The following CEP112 variants were observed in gnomAD, a reference collection of about 807,000 sequenced individuals.
The protein encoded by CEP112 is centrosomal protein 112.
Under a neutral mutation model 153.0 loss-of-function variants are expected in CEP112, and 127 were observed. That is an observed-to-expected ratio of 0.83 (90% CI 0.72 to 0.96). CEP112 has a LOEUF of 0.96. Ranked by LOEUF, CEP112 falls within the 40% of genes least tolerant of loss-of-function variation. The pLI is 0.00. For synonymous variants in CEP112, 358 were observed against 374.4 expected (o/e 0.96, Z 0.51); for missense variants, 1,089 against 1,101.2 (o/e 0.99, Z 0.16).
In CEP112 at chr17:66,183,255, T is replaced by C; in HGVS notation, c.45A>G (p.Ala15=). 6 of 1,612,978 alleles carry C rather than the reference T, an allele frequency of 3.7e-6. No individual in the cohort carries two copies. The highest frequency in any genetic ancestry group is 5.1e-6 in the Non-Finnish European group (6 of 1,179,498). Residue 15 remains alanine (A), a synonymous_variant, in exon 2 of 27, where the codon GCA becomes GCG. Transcript: ENST00000535342. ...TATCAACCACAAAGTGATCAAATTC[T>C]GCATCCAGCTTCTCCCATTTTTCTT... The part of the protein sequence containing the change: ...SEEEKWEKLD[A]EFDHFVVDMK...
intron 4 of CEP112, among the ~76,000 whole-genome samples, chr17:66,173,260 G>A (rs1296173342): frequency 6.6e-6 from 1 of 152,168 alleles, no homozygotes; most frequent in African/African-American, 2.4e-5. Flanking sequence ...CATATGCTAA[G>A]GGGGGTAACC....
intron 4 of CEP112, among the ~76,000 whole-genome samples, chr17:66,147,905 T>A (rs193022090): frequency 1.2e-4 from 19 of 152,364 alleles, no homozygotes; most frequent in Non-Finnish European, 2.2e-4. Flanking sequence ...TTGATAACAG[T>A]GGCTTTGCAG....
chr17:66,187,587 G>T (rs2072986315), intron 1 of CEP112, among the ~76,000 whole-genome samples: 2 of 151,970 alleles, frequency 1.3e-5, no homozygotes, highest in Non-Finnish European at 2.9e-5. Context: ...ATTCCTTCTC[G>T]GTCTCTCAAT....
At chr17:65,722,870 AG>A (rs1598401194) in intron 23 of CEP112, among the ~76,000 whole-genome samples, 1 of 152,252 alleles carries the variant, frequency 6.6e-6, no homozygotes. Flanking sequence ...ATCGGAGCTC[AG>A]GATCAGTCTT....
At chr17:65,777,844 T>C (rs2053771557) in intron 21 of CEP112, among the ~76,000 whole-genome samples, 1 of 152,224 alleles carries the variant, frequency 6.6e-6, no homozygotes, top group African/African-American at 2.4e-5. Context: ...TCAAAGAAGT[T>C]TGAATGGCAC....
At chr17:65,816,223 T>C (rs1292108583) in intron 21 of CEP112, among the ~76,000 whole-genome samples, 2 of 152,056 alleles carry the variant, frequency 1.3e-5, no homozygotes, top group African/African-American at 4.8e-5. Flanking sequence ...TCCAATTCAG[T>C]AGTTTTGGTA....
intron 16 of CEP112, among the ~76,000 whole-genome samples, chr17:66,006,938 T>C (rs1293565843): frequency 6.6e-6 from 1 of 152,124 alleles, no homozygotes; most frequent in African/African-American, 2.4e-5. Flanking sequence ...AAATACACTA[T>C]GACAAACCAT....
chr17:66,029,438 T>G (rs2065367318), intron 13 of CEP112, among the ~76,000 whole-genome samples, 186 bp from the exon 14 acceptor site: 1 of 152,150 alleles, frequency 6.6e-6, no homozygotes, highest in Admixed American at 6.5e-5. Flanking sequence ...GACTCATGCC[T>G]GAAATTTCAG....
chr17:65,884,011 A>G (rs2059183154), intron 20 of CEP112, among the ~76,000 whole-genome samples: 1 of 152,198 alleles, frequency 6.6e-6, no homozygotes, highest in Admixed American at 6.5e-5. Flanking sequence ...TTCTGGACCT[A>G]TGAAGTTTGA....
chr17:65,791,639 C>A (rs1211269903), intron 21 of CEP112, among the ~76,000 whole-genome samples: 2 of 152,016 alleles, frequency 1.3e-5, no homozygotes, highest in Non-Finnish European at 2.9e-5. Flanking sequence ...ACTTTGATAA[C>A]CCCTAAAGAG....
chr17:65,774,525 C>T (rs1190215634), intron 21 of CEP112, among the ~76,000 whole-genome samples: 1 of 152,184 alleles, frequency 6.6e-6, no homozygotes, highest in African/African-American at 2.4e-5. Flanking sequence ...CTCCCCACTG[C>T]CCCCTGACCA....
chr17:66,012,677 C>T (rs2064586075), intron 16 of CEP112, among the ~76,000 whole-genome samples: 1 of 152,050 alleles, frequency 6.6e-6, no homozygotes, highest in South Asian at 2.1e-4. Flanking sequence ...TTATTTCGAC[C>T]TTGGAGAATC....
At chr17:66,165,353 T>C (rs2071908503) in intron 4 of CEP112, among the ~76,000 whole-genome samples, 1 of 152,194 alleles carries the variant, frequency 6.6e-6, no homozygotes, top group Admixed American at 6.5e-5. Flanking sequence ...GTGGCGACTG[T>C]ATTGGACAGT....
intron 18 of CEP112, among the ~76,000 whole-genome samples, chr17:65,945,400 A>G (rs2061619720): frequency 6.6e-6 from 1 of 152,206 alleles, no homozygotes; most frequent in South Asian, 2.1e-4. Context: ...GCACATATGT[A>G]GGTGCAGAAT....
intron 4 of CEP112, among the ~76,000 whole-genome samples, chr17:66,168,216 C>CT (rs2072063964): frequency 6.6e-6 from 1 of 152,056 alleles, no homozygotes; most frequent in Admixed American, 6.6e-5. Context: ...AGCTAACCAC[C>CT]TTTAACAGTT....
At chr17:65,681,108 A>C (rs967100133) in intron 24 of CEP112, among the ~76,000 whole-genome samples, 2 of 152,316 alleles carry the variant, frequency 1.3e-5, no homozygotes, top group Middle Eastern at 3.4e-3. Flanking sequence ...GGCTGTTTTG[A>C]GGATAGGGGC....
intron 21 of CEP112, among the ~76,000 whole-genome samples, chr17:65,837,860 G>A (rs2057379674): frequency 2.0e-5 from 3 of 152,208 alleles, no homozygotes; most frequent in South Asian, 4.1e-4. Flanking sequence ...GGTGCAAGAT[G>A]TGCTTTGTTA....
At chr17:65,852,628 G>C (rs955115964) in intron 20 of CEP112, among the ~76,000 whole-genome samples, 2 of 149,372 alleles carry the variant, frequency 1.3e-5, no homozygotes, top group Non-Finnish European at 3.0e-5. Context: ...AGTTTTACTT[G>C]TTTCTAATTT....
chr17:65,869,367 C>T (rs940358599), intron 20 of CEP112, among the ~76,000 whole-genome samples: 6 of 152,066 alleles, frequency 3.9e-5, no homozygotes, highest in African/African-American at 1.5e-4. Flanking sequence ...AATCATTAGC[C>T]CATCTTGTGG....
Sources: gnomAD v4.1 joint callset for allele counts (sites outside exome capture counted in the v4.1 genomes callset) on GRCh38, gnomAD v4.1.1 for gene constraint, MANE v1.5 for transcripts, NCBI Gene and HGNC (gene_info 2026-07-23, HGNC 2026-07-21) for gene names.